The following ATP5MC2 variants were observed in gnomAD, a reference collection of about 807,000 sequenced individuals.
The protein encoded by ATP5MC2 is ATP synthase F(0) complex subunit C2, mitochondrial.
Under a neutral mutation model 13.5 loss-of-function variants are expected in ATP5MC2, and 11 were observed. That is an observed-to-expected ratio of 0.81 (90% confidence interval 0.51 to 1.35). ATP5MC2 has a LOEUF of 1.35. Among genes scored for constraint, ATP5MC2 ranks in the 40% most tolerant of loss-of-function variants. ATP5MC2 has a pLI of 0.00. For missense variants in ATP5MC2, 132 were observed against 175.0 expected (o/e 0.75, Z 1.39); for synonymous variants, 64 against 69.7 (o/e 0.92, Z 0.41).
At chr12:53,666,745 G>T (rs1016413208) in intron 4 of ATP5MC2, among the ~76,000 whole-genome samples, 17 of 150,682 alleles carry the variant, frequency 1.1e-4, no homozygotes, top group Non-Finnish European at 2.2e-4. Context: ...GGGTGACAGA[G>T]TCAGACTCTG....
intron 1 of ATP5MC2, among the ~76,000 whole-genome samples, chr12:53,675,566 T>A (rs1033802989): frequency 6.6e-6 from 1 of 152,062 alleles, no homozygotes; most frequent in Non-Finnish European, 1.5e-5. Context: ...AATTGAGGGG[T>A]GCTGACTAGA....
At chr12:53,667,997 A>ATATATTT (rs1944983859) in intron 4 of ATP5MC2, among the ~76,000 whole-genome samples, 1 of 126,838 alleles carries the variant, frequency 7.9e-6, no homozygotes, top group Non-Finnish European at 1.7e-5. Context: ...ATATATATAA[A>ATATATTT]TTTTTTTTTT....
At chr12:53,668,279 C>T (rs1006820904) in intron 4 of ATP5MC2, among the ~76,000 whole-genome samples, 2 of 150,844 alleles carry the variant, frequency 1.3e-5, no homozygotes, top group South Asian at 2.1e-4. Flanking sequence ...TGAACCACCT[C>T]GCCCAGCCTA....
At chr12:53,670,189 G>T in intron 2 of ATP5MC2, 1 of 535,698 alleles carries the variant, frequency 1.9e-6, no homozygotes, top group Non-Finnish European at 3.5e-6. Flanking sequence ...CTTCCTTTGG[G>T]CCATAAGGGA....
upstream of ATP5MC2, among the ~76,000 whole-genome samples, chr12:53,680,453 A>G (rs1427264647): frequency 6.6e-6 from 1 of 152,230 alleles, no homozygotes. Context: ...AATAGGCTAT[A>G]TGAGTAATAG....
At chr12:53,666,016 A>G (rs1286664701) in intron 4 of ATP5MC2, among the ~76,000 whole-genome samples, 1 of 152,194 alleles carries the variant, frequency 6.6e-6, no homozygotes, top group Non-Finnish European at 1.5e-5. Flanking sequence ...GCTTTAAGAA[A>G]CTACAAATGG....
chr12:53,667,997 A>AAT (rs1944983730), intron 4 of ATP5MC2, among the ~76,000 whole-genome samples: 9 of 126,856 alleles, frequency 7.1e-5, no homozygotes, highest in South Asian at 2.5e-4. Flanking sequence ...ATATATATAA[A>AAT]TTTTTTTTTT....
chr12:53,669,215 CT>C lies in ATP5MC2; in HGVS notation c.243del (p.Val82LeufsTer27), dbSNP rs764179844. 1 of 1,614,026 alleles carries C rather than the reference CT, an allele frequency of 6.2e-7. No individual in the cohort carries two copies. The highest frequency in any genetic ancestry group is 1.1e-5 in the South Asian group (1 of 91,078). On this transcript the variant is annotated frameshift_variant, in exon 4 of 5. Transcript: ENST00000394349. LOFTEE classifies it high-confidence loss of function. ...AAKFIGAGAA[T>X]VGVAGSGAGI... ...CCAGCCCCAGAACCAGCCACCCCAA[CT>C]GTGGCAGCCCCAGCTCCAATGAACT...
upstream of ATP5MC2, among the ~76,000 whole-genome samples, chr12:53,679,158 A>G (rs1363120309): frequency 6.6e-6 from 1 of 151,962 alleles, no homozygotes; most frequent in Non-Finnish European, 1.5e-5. Flanking sequence ...ACCATAGCTT[A>G]GAGCAGAAAA....
intron 4 of ATP5MC2, 69 bp downstream of exon 4, chr12:53,669,079 G>C: frequency 6.5e-7 from 1 of 1,533,332 alleles, no homozygotes; most frequent in Non-Finnish European, 8.8e-7. Flanking sequence ...TATAGTTCTA[G>C]ACCCCCAAAT....
intron 4 of ATP5MC2, among the ~76,000 whole-genome samples, chr12:53,667,299 C>T (rs1014445353): frequency 6.6e-6 from 1 of 152,052 alleles, no homozygotes; most frequent in African/African-American, 2.4e-5. Context: ...GGCTGCAGTG[C>T]CAGTTTTCCC....
chr12:53,676,052 C>T lies in ATP5MC2; in HGVS notation c.-32+1G>A, dbSNP rs757086346. 1.4e-5 allele frequency: 23 copies of T among 1,613,558 alleles called. No individual in the cohort carries two copies. ...GAGGGCTCTAGGTCCCAAGGCCTTA[C>T]CTGCTCCCACTGCAGAGAAGACAGA... On this transcript the variant is annotated splice_donor_variant, in intron 1 of 4. Coordinates refer to ENST00000394349, the MANE Select transcript of ATP5MC2 (RefSeq NM_005176.7). LOFTEE classifies it low-confidence loss of function (5UTR_SPLICE).
At position 53,665,233 on chromosome 12, in the gene ATP5MC2, G is replaced by T. The variant is rs1944880723; in HGVS notation, c.*81C>A. 9.0e-7 allele frequency: 1 copy of T among 1,114,042 alleles called. No individual in the cohort carries two copies. The highest frequency in any genetic ancestry group is 1.3e-6 in the Non-Finnish European group (1 of 768,138). The allele number at this position is 1,114,042 out of a possible 1,614,324, so 69.0% of individuals were successfully genotyped here. The stretch of plus-strand genomic sequence containing the variant: ...AACCCTGAGCCAACCACGTTCCCCA[G>T]GCTGCCTGGGGAGGTATAGGAAAAG... On this transcript the variant is annotated 3_prime_UTR_variant, in exon 5 of 5. Coordinates refer to ENST00000394349, the MANE Select transcript of ATP5MC2 (RefSeq NM_005176.7).
At chr12:53,671,016 G>A (rs1018787885) in intron 2 of ATP5MC2, among the ~76,000 whole-genome samples, 2 of 151,482 alleles carry the variant, frequency 1.3e-5, no homozygotes, top group Admixed American at 6.6e-5. Flanking sequence ...CCTTCTGTAT[G>A]GGTAATGGTC....
At chr12:53,679,280 A>AGAGAGAG (rs71068165), upstream of ATP5MC2, among the ~76,000 whole-genome samples, 1 of 135,046 alleles carries the variant, frequency 7.4e-6, no homozygotes, top group Non-Finnish European at 1.6e-5. Context: ...AGAGAGAGAG[A>AGAGAGAG]CCAGGGCACA....
At chr12:53,671,135 AC>A (rs1565627168) in intron 2 of ATP5MC2, among the ~76,000 whole-genome samples, 1 of 152,164 alleles carries the variant, frequency 6.6e-6, no homozygotes, top group Non-Finnish European at 1.5e-5. Flanking sequence ...TTTCTGACTA[AC>A]CCCAAGCCAG....
At chr12:53,668,538 C>T (rs1043068908) in intron 4 of ATP5MC2, among the ~76,000 whole-genome samples, 1 of 151,066 alleles carries the variant, frequency 6.6e-6, no homozygotes, top group African/African-American at 2.4e-5. Flanking sequence ...CTCCTGACCT[C>T]AAGCGATTCA....
upstream of ATP5MC2, chr12:53,676,222 TA>T (rs768508505): frequency 1.2e-6 from 2 of 1,600,624 alleles, no homozygotes; most frequent in Non-Finnish European, 1.7e-6. Flanking sequence ...GCTGTGGCGG[TA>T]TCCGGCCGGT....
intron 4 of ATP5MC2, among the ~76,000 whole-genome samples, 194 bp downstream of exon 4, chr12:53,668,954 G>A (rs1945011931): frequency 2.0e-5 from 3 of 151,718 alleles, no homozygotes; most frequent in Admixed American, 2.0e-4. Context: ...AGAGGTAGAG[G>A]TGACAGTGAG....
Sources: gnomAD v4.1 joint callset for allele counts (sites outside exome capture counted in the v4.1 genomes callset) on GRCh38, gnomAD v4.1.1 for gene constraint, MANE v1.5 for transcripts, NCBI Gene and HGNC (gene_info 2026-07-23, HGNC 2026-07-21) for gene names.